EYS: variants seen among roughly 807,000 people sequenced by gnomAD.
EYS encodes the protein EGF-like photoreceptor maintenance factor.
EYS carries 250 observed loss-of-function variants against 282.1 expected under a neutral mutation model. The ratio of observed to expected loss-of-function variants is 0.89; its 90% CI spans 0.80 to 0.98. EYS has a LOEUF of 0.98. Ranked by LOEUF, EYS falls within the 50% of genes least tolerant of loss-of-function variation. The pLI, the probability that EYS is intolerant of heterozygous loss-of-function variation, is 0.00. For synonymous variants in EYS, 1,355 were observed against 1,282.9 expected, an observed-to-expected ratio of 1.06 and a Z score of -1.20; for missense variants, 4,016 against 3,709.0, an observed-to-expected ratio of 1.08 and a Z score of -2.15.
At chr6:64,046,427 C>G (rs1373550840) in intron 33 of EYS, among the ~76,000 whole-genome samples, 1 of 152,096 alleles carries the variant, frequency 6.6e-6, no homozygotes, top group African/African-American at 2.4e-5. Context: ...AAAGGATCAT[C>G]TTTATGAGCA....
chr6:64,393,721 C>A (rs983140490), intron 28 of EYS, among the ~76,000 whole-genome samples: 3 of 151,314 alleles, frequency 2.0e-5, no homozygotes, highest in Non-Finnish European at 1.5e-5. Flanking sequence ...AAAACTGGCA[C>A]AAGACAGGGA....
chr6:65,514,669 G>A (rs2127293444), intron 2 of EYS, among the ~76,000 whole-genome samples: 1 of 152,274 alleles, frequency 6.6e-6, no homozygotes, highest in East Asian at 1.9e-4. Context: ...TGACAAACCT[G>A]AGAAAAACAA....
chr6:64,521,127 T>C (rs771252040), intron 26 of EYS, among the ~76,000 whole-genome samples: 20 of 151,864 alleles, frequency 1.3e-4, no homozygotes, highest in Middle Eastern at 3.4e-3. Context: ...CATGTCTGAG[T>C]AGTTTTCAGC....
chr6:64,125,449 A>G (rs1773746341), intron 31 of EYS, among the ~76,000 whole-genome samples: 1 of 151,706 alleles, frequency 6.6e-6, no homozygotes, highest in South Asian at 2.1e-4. Context: ...GCCCAATTGT[A>G]AGGCATGAAG....
chr6:64,589,328 G>A (rs1766327408), intron 26 of EYS, among the ~76,000 whole-genome samples: 1 of 151,784 alleles, frequency 6.6e-6, no homozygotes. Flanking sequence ...TTAAACGTTG[G>A]GGTAATATAT....
intron 35 of EYS, among the ~76,000 whole-genome samples, chr6:63,936,320 T>G (rs1001365693): frequency 2.6e-5 from 4 of 152,238 alleles, no homozygotes; most frequent in Non-Finnish European, 5.9e-5. Flanking sequence ...GTCTCAGAAT[T>G]CCATATTCTA....
At chr6:65,543,216 A>G (rs1463073477) in intron 2 of EYS, among the ~76,000 whole-genome samples, 1 of 78,452 alleles carries the variant, frequency 1.3e-5, no homozygotes, top group East Asian at 4.5e-4. Flanking sequence ...ACGGGATTTC[A>G]CCATGTTGGC....
At chr6:65,329,581 T>C in intron 11 of EYS, 1 of 982,814 alleles carries the variant, frequency 1.0e-6, no homozygotes, top group Non-Finnish European at 1.2e-6. Context: ...TTTTTTGCTT[T>C]AAAGGTAAAA....
rs532184066 is a variant in EYS at position 65,541,086 on chromosome 6, A to G, written c.-332-45093T>C. Among the ~76,000 whole-genome samples the G allele has an allele frequency of 1.4e-4, 9 of 64,692 alleles. No individual in the cohort carries two copies. In the East Asian group the frequency reaches 5.0e-3, roughly 36 times the overall value. 42.4% of individuals were successfully genotyped at this position (64,692 alleles called of 152,430 possible). A position where few individuals can be genotyped will look rare whatever the true frequency, so the allele number is the denominator to read the frequency against. ...TATTCACATCTTCAATCTTGCTGAC[A>G]CTTTTTTTCCTGTTGGCCTCATATT... On this transcript the variant is annotated intron_variant, in intron 2 of 42. Coordinates refer to ENST00000503581, the MANE Select transcript of EYS (RefSeq NM_001142800.2).
chr6:65,507,098 G>A (rs980228488), intron 2 of EYS, among the ~76,000 whole-genome samples: 3 of 150,808 alleles, frequency 2.0e-5, no homozygotes, highest in South Asian at 2.1e-4. Flanking sequence ...TTTCAATATC[G>A]TTTGCATGAC....
chr6:65,415,191 GAAATGAGAAGAATAA>G (rs751574595), intron 5 of EYS, among the ~76,000 whole-genome samples: 2 of 151,960 alleles, frequency 1.3e-5, no homozygotes, highest in Non-Finnish European at 2.9e-5. Flanking sequence ...GGTTCAAGAG[GAAATGAGAAGAATAA>G]AAATGGAAAG....
chr6:64,616,615 C>T (rs973138277), intron 24 of EYS, among the ~76,000 whole-genome samples: 1 of 151,988 alleles, frequency 6.6e-6, no homozygotes, highest in African/African-American at 2.4e-5. Context: ...TTTTTCCTTT[C>T]TGATCTTTCA....
chr6:65,623,049 A>C (rs1479952005), intron 2 of EYS, among the ~76,000 whole-genome samples: 1 of 152,162 alleles, frequency 6.6e-6, no homozygotes, highest in African/African-American at 2.4e-5. Context: ...TGGGCCTCCA[A>C]GCTTGGTGAT....
chr6:64,443,317 T>C (rs577295118), intron 26 of EYS, among the ~76,000 whole-genome samples: 2 of 152,320 alleles, frequency 1.3e-5, no homozygotes, highest in African/African-American at 4.8e-5. Flanking sequence ...CTATTGTATC[T>C]AGGAAGCAAT....
In EYS at chr6:64,113,914, A is replaced by G. The variant is rs148856096; in HGVS notation, c.6425-31912T>C. ...AGCATGCTTTCAGTTTTTGTAAGTA[A>G]AATTTTATTGGAACTATGCCCATTC... is the stretch of plus-strand genomic sequence containing the variant. On this transcript the variant is annotated intron_variant, in intron 31 of 42. Coordinates refer to ENST00000503581, the MANE Select transcript of EYS (RefSeq NM_001142800.2). Among the ~76,000 whole-genome samples the G allele has an allele frequency of 5.3e-4, 80 of 152,326 alleles. 1 individual carries two copies. The East Asian group carries it at 0.014, about 26-fold the overall frequency.
At chr6:65,417,008 A>G (rs1767266549) in intron 5 of EYS, among the ~76,000 whole-genome samples, 1 of 151,954 alleles carries the variant, frequency 6.6e-6, no homozygotes, top group Non-Finnish European at 1.5e-5. Context: ...GCTCCAAAAT[A>G]AGAAAGAACA....
chr6:65,359,366 A>C (rs1764611630), intron 8 of EYS, among the ~76,000 whole-genome samples: 1 of 151,996 alleles, frequency 6.6e-6, no homozygotes. Flanking sequence ...AAATATATTC[A>C]ATGTTGCTTT....
At chr6:65,012,930 G>A (rs1411132733) in intron 13 of EYS, among the ~76,000 whole-genome samples, 1 of 150,992 alleles carries the variant, frequency 6.6e-6, no homozygotes, top group Non-Finnish European at 1.5e-5. Context: ...TAGTAGTATA[G>A]AGAATTCAAA....
At chr6:63,906,167 A>G (rs995354919) in intron 35 of EYS, among the ~76,000 whole-genome samples, 1 of 152,242 alleles carries the variant, frequency 6.6e-6, no homozygotes, top group African/African-American at 2.4e-5. Flanking sequence ...CTTCAAAATT[A>G]TACCCAGTTT....
Sources: gnomAD v4.1 joint callset for allele counts (sites outside exome capture counted in the v4.1 genomes callset) on GRCh38, gnomAD v4.1.1 for gene constraint, MANE v1.5 for transcripts, NCBI Gene and HGNC (gene_info 2026-07-23, HGNC 2026-07-21) for gene names.